RB1: variants seen among roughly 807,000 people sequenced by gnomAD.
RB1 encodes the protein retinoblastoma-associated protein.
In RB1, 18 loss-of-function variants were observed where a neutral mutation model predicts 135.4. The observed-to-expected ratio is 0.13, with a 90% CI of 0.09 to 0.20. The LOEUF is 0.20. Among genes scored for constraint, RB1 ranks in the 10% least tolerant of loss-of-function variants. The pLI is 1.00. For synonymous variants in RB1, 365 were observed against 373.2 expected, an observed-to-expected ratio of 0.98 and a Z score of 0.25; for missense variants, 868 against 1,110.0, an observed-to-expected ratio of 0.78 and a Z score of 3.10.
Position 48,460,040 on chromosome 13 carries a change from G to T in RB1, c.2106+207G>T, listed in dbSNP as rs548968887. 5.0e-4 allele frequency among the ~76,000 whole-genome samples: 75 copies of T among 149,308 alleles called. 4 individuals are homozygous for T. Among genetic ancestry groups the T allele is most frequent in the African/African-American group, 1.8e-3 (73 of 40,240 alleles). On this transcript the variant is annotated intron_variant, in intron 20 of 26. Coordinates refer to ENST00000267163, the MANE Select transcript of RB1 (RefSeq NM_000321.3). ...GCTAGAGTGCAGTGGCGCAATCTCG[G>T]CTCACTGCAACCTCCGCCTCCCAGG...
intron 2 of RB1, among the ~76,000 whole-genome samples, chr13:48,315,277 A>ATT (rs1057194479): frequency 6.6e-6 from 1 of 152,164 alleles, no homozygotes; most frequent in Admixed American, 6.5e-5. Context: ...ATTCCTAGAT[A>ATT]TTTTATTCTT....
intron 11 of RB1, among the ~76,000 whole-genome samples, chr13:48,372,394 C>T (rs1424342855): frequency 1.3e-5 from 2 of 152,160 alleles, no homozygotes; most frequent in African/African-American, 4.8e-5. Flanking sequence ...GGTGTGGTGG[C>T]TCACGCCTGT....
intron 17 of RB1, chr13:48,406,574 T>C (rs896122145): frequency 1.3e-5 from 2 of 152,242 alleles, no homozygotes; most frequent in East Asian, 1.9e-4. Context: ...TCTTGAGGAC[T>C]TTCCACAGCT....
intron 24 of RB1, 76 bp from the exon 25 acceptor site, chr13:48,476,625 A>C (rs1305241067): frequency 2.0e-6 from 3 of 1,503,024 alleles, no homozygotes; most frequent in African/African-American, 2.8e-5. Flanking sequence ...GACACACCTC[A>C]AACTATAACT....
At chr13:48,464,957 A>AAT in intron 21 of RB1, 41 bp from the exon 22 acceptor site, 12 of 1,136,250 alleles carry the variant, frequency 1.1e-5, no homozygotes, top group East Asian at 6.1e-5. Flanking sequence ...AGTAAATTTT[A>AAT]CTTTTTTTTT....
chr13:48,448,349 C>G (rs999049961), intron 17 of RB1, among the ~76,000 whole-genome samples: 1 of 152,094 alleles, frequency 6.6e-6, no homozygotes, highest in Non-Finnish European at 1.5e-5. Context: ...TACATGCCAC[C>G]TTCTCTTTTT....
At chr13:48,379,851 T>C (rs960471187) in intron 14 of RB1, among the ~76,000 whole-genome samples, 1 of 151,020 alleles carries the variant, frequency 6.6e-6, no homozygotes, top group Non-Finnish European at 1.5e-5. Flanking sequence ...TCCCAGCTAC[T>C]TGGCAGGCTG....
In RB1 at chr13:48,466,628, C is replaced by G. The variant is rs1330811387; in HGVS notation, c.2489+1260C>G. Among the ~76,000 whole-genome samples, 62 of 148,556 alleles carry G rather than the reference C, an allele frequency of 4.2e-4. 1 individual carries two copies. Among genetic ancestry groups the G allele is most frequent in the Admixed American group, 1.8e-3 (27 of 14,898 alleles). The stretch of plus-strand genomic sequence containing the variant: ...TTACTCTGAGCTACGGGAGGACATT[C>G]AAACCAAAGGCAAAGAAGTTGAAAA... On this transcript the variant is annotated intron_variant, in intron 23 of 26. Coordinates refer to ENST00000267163, the MANE Select transcript of RB1 (RefSeq NM_000321.3).
At chr13:48,312,264 T>TA (rs1489905392) in intron 2 of RB1, among the ~76,000 whole-genome samples, 1 of 152,200 alleles carries the variant, frequency 6.6e-6, no homozygotes, top group African/African-American at 2.4e-5. Flanking sequence ...CAGCATTCAT[T>TA]AAAAATTTTT....
intron 17 of RB1, among the ~76,000 whole-genome samples, chr13:48,384,389 AATT>A (rs1208771363): frequency 1.3e-5 from 2 of 152,276 alleles, no homozygotes; most frequent in African/African-American, 4.8e-5. Flanking sequence ...CTGTGAGAAT[AATT>A]GACATTATAG....
At chr13:48,391,045 T>G (rs888116625) in intron 17 of RB1, among the ~76,000 whole-genome samples, 19 of 152,324 alleles carry the variant, frequency 1.2e-4, no homozygotes, top group Non-Finnish European at 2.4e-4. Flanking sequence ...CCCTTTCCTC[T>G]TTTTCTGCCT....
At chr13:48,442,306 T>C (rs955949591) in intron 17 of RB1, among the ~76,000 whole-genome samples, 1 of 152,142 alleles carries the variant, frequency 6.6e-6, no homozygotes, top group African/African-American at 2.4e-5. Context: ...GTTCACGCCA[T>C]TCTCCTTCCT....
intron 6 of RB1, among the ~76,000 whole-genome samples, chr13:48,358,961 G>A (rs904860353): frequency 1.3e-5 from 2 of 151,932 alleles, no homozygotes; most frequent in African/African-American, 2.4e-5. Flanking sequence ...CATATTTTTT[G>A]CACCATACCA....
chr13:48,337,251 A>G (rs548623423), intron 2 of RB1, among the ~76,000 whole-genome samples: 2 of 152,156 alleles, frequency 1.3e-5, no homozygotes, highest in Non-Finnish European at 2.9e-5. Context: ...GTTCTGACTC[A>G]TTGAACTGTC....
At position 48,440,300 on chromosome 13, in the gene RB1, T is replaced by C. The variant is rs117967954; in HGVS notation, c.1696-12693T>C. ...AAAATATTAACTATTTTTCCTGAGA[T>C]AGAAGTGGTTGAAATTTGGGAGATA... On this transcript the variant is annotated intron_variant, in intron 17 of 26. Coordinates refer to ENST00000267163, the MANE Select transcript of RB1 (RefSeq NM_000321.3). Among the ~76,000 whole-genome samples, 79 of 152,246 alleles carry C rather than the reference T, an allele frequency of 5.2e-4. 3 individuals carry two copies. In the East Asian group the frequency reaches 0.014, roughly 27 times the overall value.
chr13:48,352,671 A>G (rs978417756), intron 6 of RB1, among the ~76,000 whole-genome samples: 1 of 152,122 alleles, frequency 6.6e-6, no homozygotes, highest in Non-Finnish European at 1.5e-5. Flanking sequence ...GTTGGTGTGT[A>G]GAACTACTAG....
intron 19 of RB1, 37 bp from the exon 20 acceptor site, chr13:48,459,651 G>T (rs757373161): frequency 6.2e-7 from 1 of 1,610,172 alleles, no homozygotes; most frequent in Non-Finnish European, 8.5e-7. Flanking sequence ...AATTCAAAAT[G>T]AACAGTAAAA....
chr13:48,456,309 G>A lies in RB1; in HGVS notation c.1920G>A (p.Lys640=), dbSNP rs1949359842. ...TQATSAFQTQ[K]PLKSTSLSLF... is the part of the protein sequence containing the mutation. ...CAACCTCAGCCTTCCAGACCCAGAA[G>A]CCATTGAAATCTACCTCTCTTTCAC... The change falls in exon 19 of 27, where the codon AAG becomes AAA. Residue 640 remains lysine, a synonymous_variant. Coordinates refer to ENST00000267163, the MANE Select transcript of RB1 (RefSeq NM_000321.3). 6.2e-7 allele frequency: 1 copy of A among 1,614,066 alleles called. No individual in the cohort carries two copies. Among genetic ancestry groups the A allele is most frequent in the African/African-American group, 1.3e-5 (1 of 74,908 alleles).
intron 2 of RB1, among the ~76,000 whole-genome samples, chr13:48,315,218 C>T (rs1367310077): frequency 6.6e-6 from 1 of 152,098 alleles, no homozygotes; most frequent in East Asian, 1.9e-4. Flanking sequence ...TTTATTTGAG[C>T]TGTGTTTTGT....
Sources: gnomAD v4.1 joint callset for allele counts (sites outside exome capture counted in the v4.1 genomes callset) on GRCh38, gnomAD v4.1.1 for gene constraint, MANE v1.5 for transcripts, NCBI Gene and HGNC (gene_info 2026-07-23, HGNC 2026-07-21) for gene names.